SLC23A2: variants seen among roughly 807,000 people sequenced by gnomAD.
SLC23A2 encodes the protein Na(+)/L-ascorbic acid transporter 2.
A neutral mutation model predicts 73.3 loss-of-function variants in SLC23A2; 36 were observed. The observed-to-expected ratio is 0.49, with a 90% CI of 0.38 to 0.65. SLC23A2 has a LOEUF of 0.65. Among genes scored for constraint, SLC23A2 ranks in the 30% least tolerant of loss-of-function variants. SLC23A2 has a pLI of 0.00. For missense variants in SLC23A2, 507 were observed against 841.6 expected, an observed-to-expected ratio of 0.60 and a Z score of 4.92; for synonymous variants, 343 against 327.3, an observed-to-expected ratio of 1.05 and a Z score of -0.52.
Position 4,899,507 on chromosome 20 carries a change from AATGCCTTCT to A in SLC23A2, c.482+39_482+47del, listed in dbSNP as rs1568614996. ...GCGCAGCTCAATGCCTTCTGCGCTC[AATGCCTTCT>A]GGGGGCTTTGGCATCCCCCATTAGT... On this transcript the variant is annotated intron_variant, in intron 6 of 16. Coordinates refer to ENST00000338244, the MANE Select transcript of SLC23A2 (RefSeq NM_005116.6). This position sits in a 1 kb window ranked among gnomAD's most constrained non-coding sequence, Gnocchi z 4.9. 1.2e-6 allele frequency: 1 copy of A among 837,434 alleles called. No homozygotes were observed. 51.9% of individuals were successfully genotyped at this position (837,434 alleles called of 1,614,324 possible). A position where few individuals can be genotyped will look rare whatever the true frequency, so the allele number is the denominator to read the frequency against.
chr20:5,005,735 C>G (rs2088183465), upstream of SLC23A2, among the ~76,000 whole-genome samples: 1 of 152,132 alleles, frequency 6.6e-6, no homozygotes, highest in Non-Finnish European at 1.5e-5. Flanking sequence ...CGCTTGTAAT[C>G]CCAGCACTTT....
upstream of SLC23A2, among the ~76,000 whole-genome samples, chr20:5,004,999 A>AT (rs2088174853): frequency 1.6e-5 from 2 of 124,950 alleles, no homozygotes; most frequent in Non-Finnish European, 3.3e-5. Context: ...ACTCCGTCTC[A>AT]AAAATAAATA....
intron 2 of SLC23A2, among the ~76,000 whole-genome samples, chr20:4,937,453 G>A (rs114463895): frequency 6.0e-4 from 91 of 152,248 alleles, no homozygotes; most frequent in South Asian, 2.3e-3. Context: ...TCATGATGGC[G>A]ACAATGGCAG....
intron 3 of SLC23A2, among the ~76,000 whole-genome samples, chr20:4,922,364 G>A (rs953367060): frequency 7.2e-5 from 11 of 152,176 alleles, no homozygotes; most frequent in Non-Finnish European, 1.3e-4. Flanking sequence ...CACAGAAAGC[G>A]GAGACAGCAG....
intron 12 of SLC23A2, 189 bp downstream of exon 12, chr20:4,869,717 C>A (rs1464070162): frequency 2.0e-6 from 1 of 502,820 alleles, no homozygotes; most frequent in Non-Finnish European, 3.5e-6. Context: ...TGAAAGTAAA[C>A]AAAGGCAGTG....
intron 2 of SLC23A2, among the ~76,000 whole-genome samples, chr20:4,955,688 G>T (rs1445443262): frequency 6.6e-6 from 1 of 152,124 alleles, no homozygotes; most frequent in Non-Finnish European, 1.5e-5. Flanking sequence ...TACTTGAAGG[G>T]TTGAGGTGGG....
At chr20:4,949,913 C>T (rs1485939041) in intron 2 of SLC23A2, among the ~76,000 whole-genome samples, 1 of 152,204 alleles carries the variant, frequency 6.6e-6, no homozygotes, top group Non-Finnish European at 1.5e-5. Context: ...CACTTCTGTG[C>T]CGGTGTCTGT....
chr20:4,936,572 G>A (rs974366856), intron 2 of SLC23A2, among the ~76,000 whole-genome samples: 2 of 152,174 alleles, frequency 1.3e-5, no homozygotes, highest in Non-Finnish European at 2.9e-5. Flanking sequence ...ACAGGTGCAA[G>A]TCACCATGCC....
chr20:4,898,590 T>C (rs1358978266), intron 6 of SLC23A2, among the ~76,000 whole-genome samples: 1 of 152,104 alleles, frequency 6.6e-6, no homozygotes, highest in African/African-American at 2.4e-5. Flanking sequence ...AGCAGTGCCC[T>C]GGGGTAAAGC....
rs1930499416 is a variant in SLC23A2 at position 4,872,784 on chromosome 20, T to C, written c.1102+1152A>G. ...TGAAACTTTTTTTTTTGAGACAGTC[T>C]TGCTCTGTCTCCCAGGCTGAAGTGC... On this transcript the variant is annotated intron_variant, in intron 11 of 16. Coordinates refer to ENST00000338244, the MANE Select transcript of SLC23A2 (RefSeq NM_005116.6). The surrounding 1 kb of genome is among the most constrained non-coding windows in gnomAD (Gnocchi z 4.4). Among the ~76,000 whole-genome samples the C allele has an allele frequency of 6.6e-6, 1 of 152,132 alleles. No individual in the cohort carries two copies. The highest frequency in any genetic ancestry group is 1.5e-5 in the Non-Finnish European group (1 of 68,024).
At chr20:4,936,822 GCA>G (rs1179242457) in intron 2 of SLC23A2, among the ~76,000 whole-genome samples, 1 of 152,136 alleles carries the variant, frequency 6.6e-6, no homozygotes, top group African/African-American at 2.4e-5. Flanking sequence ...AACCACTAAT[GCA>G]CTTCACCCAC....
chr20:4,912,153 C>A (rs544184461), intron 4 of SLC23A2, among the ~76,000 whole-genome samples: 1 of 151,974 alleles, frequency 6.6e-6, no homozygotes, highest in East Asian at 1.9e-4. Context: ...ATTGGAGCCG[C>A]TTTGGGCAAC....
At chr20:4,971,391 G>C (rs2087558577) in intron 1 of SLC23A2, among the ~76,000 whole-genome samples, 1 of 151,936 alleles carries the variant, frequency 6.6e-6, no homozygotes, top group African/African-American at 2.4e-5. Context: ...GAGACTGAGA[G>C]GTGGAGAATC....
chr20:4,873,433 G>C lies in SLC23A2; in HGVS notation c.1102+503C>G, dbSNP rs527483307. On this transcript the variant is annotated intron_variant, in intron 11 of 16. Transcript: ENST00000338244. ...TACACAACACTCAAATTAAGATGCA[G>C]CTTTTGGCCATTAGTGACTATCAAC... Among the ~76,000 whole-genome samples, 8 of 152,292 alleles carry C rather than the reference G, an allele frequency of 5.3e-5. No individual in the cohort carries two copies. The South Asian group carries it at 1.7e-3, about 32-fold the overall frequency.
chr20:4,955,164 G>C (rs2087264633), intron 2 of SLC23A2, among the ~76,000 whole-genome samples: 1 of 151,972 alleles, frequency 6.6e-6, no homozygotes, highest in Admixed American at 6.6e-5. Flanking sequence ...GAGGTAGGAG[G>C]ACTGGCTTGA....
Position 5,000,481 on chromosome 20 carries a change from A to G in SLC23A2, c.-282+925T>C, listed in dbSNP as rs115546242. 7.4e-3 allele frequency among the ~76,000 whole-genome samples: 1,124 copies of G among 152,084 alleles called. 11 individuals are homozygous for G. Among genetic ancestry groups the G allele is most frequent in the African/African-American group, 0.026 (1,061 of 41,482 alleles). ...GCCTTCTCTGCGCGCAGATGACCCA[A>G]TTGTCAGCAGGGACTGCATCTTCCC... On this transcript the variant is annotated intron_variant, in intron 1 of 16. Coordinates refer to ENST00000338244, the MANE Select transcript of SLC23A2 (RefSeq NM_005116.6).
Position 4,893,942 on chromosome 20 carries a change from T to C in SLC23A2, c.482+5613A>G, listed in dbSNP as rs193221395. 7.0e-3 allele frequency among the ~76,000 whole-genome samples: 1,066 copies of C among 151,556 alleles called. 17 individuals are homozygous for C. Among genetic ancestry groups the C allele is most frequent in the African/African-American group, 0.024 (977 of 41,346 alleles). On this transcript the variant is annotated intron_variant, in intron 6 of 16. Transcript: ENST00000338244. Reference sequence around the variant, plus strand: ...TCAGTGTGGTGACGGCGGGGCAGGGTCTTGGAGGGCCCTAGAGACACCAAG... The same window carrying C: ...TCAGTGTGGTGACGGCGGGGCAGGGCCTTGGAGGGCCCTAGAGACACCAAG...
intron 1 of SLC23A2, among the ~76,000 whole-genome samples, chr20:4,974,947 T>C (rs1352291365): frequency 6.6e-5 from 10 of 152,012 alleles, no homozygotes; most frequent in Admixed American, 5.2e-4. Flanking sequence ...CCACCACACC[T>C]GGCTAATTTT....
intron 4 of SLC23A2, among the ~76,000 whole-genome samples, chr20:4,909,877 C>CA (rs1157579479): frequency 1.3e-5 from 2 of 151,528 alleles, no homozygotes; most frequent in East Asian, 1.9e-4. Context: ...AGGTCTCTAA[C>CA]AAAAAAAAGT....
Sources: allele counts gnomAD v4.1 joint callset (sites outside exome capture counted in the v4.1 genomes callset), GRCh38; gene constraint gnomAD v4.1.1; non-coding constraint Gnocchi (gnomAD v3.1); transcripts MANE v1.5; gene names NCBI Gene and HGNC (gene_info 2026-07-23, HGNC 2026-07-21).